Variants in UBE2H observed in about 807,000 individuals in gnomAD.
The protein encoded by UBE2H is ubiquitin conjugating enzyme E2 H, also known as ubiquitin-conjugating enzyme E2 H.
A neutral mutation model predicts 29.0 loss-of-function variants in UBE2H; 3 were observed. That is an observed-to-expected ratio of 0.10 (90% CI 0.05 to 0.27). The LOEUF is 0.27. Among genes scored for constraint, UBE2H ranks in the 10% least tolerant of loss-of-function variants. UBE2H has a pLI of 1.00. For missense variants in UBE2H, 68 were observed against 228.2 expected (o/e 0.30, Z 4.52); for synonymous variants, 69 against 82.9 (o/e 0.83, Z 0.91).
intron 1 of UBE2H, chr7:129,949,160 C>T: frequency 2.9e-6 from 1 of 348,802 alleles, no homozygotes; most frequent in Non-Finnish European, 5.9e-6. Context: ...CGAGTAACCC[C>T]CACCAACAAG....
At chr7:129,836,975 G>C (rs998590295) in intron 6 of UBE2H, among the ~76,000 whole-genome samples, 1 of 148,118 alleles carries the variant, frequency 6.8e-6, no homozygotes, top group Non-Finnish European at 1.5e-5. Flanking sequence ...AGGCAAAGAT[G>C]TCACCCAGCA....
At chr7:129,875,015 C>T (rs922095967) in intron 3 of UBE2H, among the ~76,000 whole-genome samples, 24 of 152,248 alleles carry the variant, frequency 1.6e-4, no homozygotes, top group African/African-American at 4.6e-4. Context: ...CAAGCTACCA[C>T]AGGGAATTCT....
chr7:129,910,873 T>G (rs969998453), intron 1 of UBE2H, among the ~76,000 whole-genome samples: 3 of 150,342 alleles, frequency 2.0e-5, no homozygotes, highest in African/African-American at 4.9e-5. Flanking sequence ...CAGAGTAAGA[T>G]TCCATCTCAA....
chr7:129,915,773 CCTGT>C (rs991861110), intron 1 of UBE2H, among the ~76,000 whole-genome samples: 2 of 152,140 alleles, frequency 1.3e-5, no homozygotes, highest in Non-Finnish European at 2.9e-5. Context: ...CCTAACTCTG[CCTGT>C]CTTTCAAGAG....
At chr7:129,874,812 G>A (rs1246524061) in intron 3 of UBE2H, among the ~76,000 whole-genome samples, 2 of 152,026 alleles carry the variant, frequency 1.3e-5, no homozygotes, top group African/African-American at 2.4e-5. Flanking sequence ...CCCAAGAGAA[G>A]AGAAAAAGGG....
intron 1 of UBE2H, among the ~76,000 whole-genome samples, chr7:129,885,123 GGT>G (rs1806333982): frequency 6.6e-6 from 1 of 151,638 alleles, no homozygotes; most frequent in African/African-American, 2.4e-5. Context: ...AGTGTGTACT[GGT>G]GTCCTCTTTC....
At chr7:129,878,906 C>T (rs1806201310) in intron 3 of UBE2H, among the ~76,000 whole-genome samples, 1 of 148,780 alleles carries the variant, frequency 6.7e-6, no homozygotes, top group African/African-American at 2.5e-5. Flanking sequence ...TACCATTCTA[C>T]AGTCTCCAAA....
chr7:129,870,681 T>A (rs112020598), intron 3 of UBE2H, among the ~76,000 whole-genome samples: 9 of 152,134 alleles, frequency 5.9e-5, no homozygotes, highest in African/African-American at 2.2e-4. Context: ...TGTGCTTCTA[T>A]CCCGTCACTG....
At chr7:129,851,817 G>C (rs1243540285) in intron 5 of UBE2H, among the ~76,000 whole-genome samples, 1 of 152,186 alleles carries the variant, frequency 6.6e-6, no homozygotes, top group Non-Finnish European at 1.5e-5. Context: ...TATATAACTA[G>C]TTAGACTCCT....
intron 1 of UBE2H, 35 bp from the exon 2 acceptor site, chr7:129,881,006 T>C: frequency 6.3e-7 from 1 of 1,591,652 alleles, no homozygotes. Flanking sequence ...ACACAGGCTT[T>C]ACAGTATCTG....
chr7:129,922,938 G>C (rs192391072), intron 1 of UBE2H, among the ~76,000 whole-genome samples: 25 of 151,910 alleles, frequency 1.6e-4, no homozygotes, highest in Non-Finnish European at 2.5e-4. Context: ...GTCTCGCTCT[G>C]TCGCCCAGGT....
At chr7:129,936,741 G>A (rs1404829806) in intron 1 of UBE2H, among the ~76,000 whole-genome samples, 1 of 150,330 alleles carries the variant, frequency 6.7e-6, no homozygotes, top group Non-Finnish European at 1.5e-5. Context: ...TGGATCACCT[G>A]AGGTCAGGAG....
At chr7:129,917,932 C>G (rs887824428) in intron 1 of UBE2H, among the ~76,000 whole-genome samples, 3 of 152,232 alleles carry the variant, frequency 2.0e-5, no homozygotes, top group Non-Finnish European at 4.4e-5. Flanking sequence ...TGAGACTTCT[C>G]ACCAAAAGCT....
intron 5 of UBE2H, among the ~76,000 whole-genome samples, chr7:129,841,796 A>G (rs1489498473): frequency 1.3e-5 from 2 of 152,214 alleles, no homozygotes; most frequent in Admixed American, 1.3e-4. Context: ...GTTCTCATGT[A>G]CCACGAAAGA....
chr7:129,877,936 C>T (rs1305242057), intron 3 of UBE2H, among the ~76,000 whole-genome samples: 2 of 152,280 alleles, frequency 1.3e-5, no homozygotes, highest in African/African-American at 4.8e-5. Flanking sequence ...GTGGGGTTAA[C>T]AAAACTAGAC....
At chr7:129,919,845 G>A (rs1002440150) in intron 1 of UBE2H, among the ~76,000 whole-genome samples, 3 of 152,196 alleles carry the variant, frequency 2.0e-5, no homozygotes, top group African/African-American at 7.2e-5. Flanking sequence ...AATAAACTGA[G>A]AAAACACTGG....
chr7:129,933,022 A>T (rs1022559609), intron 1 of UBE2H, among the ~76,000 whole-genome samples: 4 of 152,152 alleles, frequency 2.6e-5, no homozygotes, highest in African/African-American at 7.2e-5. Context: ...ATGTCCACAA[A>T]CAAAGAAAAA....
chr7:129,873,829 A>T (rs1235677600), intron 3 of UBE2H, among the ~76,000 whole-genome samples: 1 of 152,090 alleles, frequency 6.6e-6, no homozygotes, highest in East Asian at 1.9e-4. Context: ...TCCCTCCAGA[A>T]TCCTGTTCTC....
At position 129,923,769 on chromosome 7, in the gene UBE2H, A is replaced by G. The variant is rs180810995; in HGVS notation, c.53+28734T>C. ...CTCACAAGGGCCTGTCCCATCCACT[A>G]AGCCATACTGTCTCTCTAGATGTAT... On this transcript the variant is annotated intron_variant, in intron 1 of 6. Coordinates refer to ENST00000355621, the MANE Select transcript of UBE2H (RefSeq NM_003344.4). 2.6e-5 allele frequency among the ~76,000 whole-genome samples: 4 copies of G among 152,320 alleles called. No individual in the cohort carries two copies. In the East Asian group the frequency reaches 7.7e-4, roughly 29 times the overall value.
Sources: gnomAD v4.1 joint callset for allele counts (sites outside exome capture counted in the v4.1 genomes callset) on GRCh38, gnomAD v4.1.1 for gene constraint, MANE v1.5 for transcripts, NCBI Gene and HGNC (gene_info 2026-07-23, HGNC 2026-07-21) for gene names.